Variants in JAG2 observed in about 807,000 individuals in gnomAD.
JAG2 encodes the protein protein jagged-2.
JAG2 carries 46 observed loss-of-function variants against 141.7 expected under a neutral mutation model. That is an observed-to-expected ratio of 0.32 (90% CI 0.26 to 0.42). The LOEUF is 0.42. Ranked by LOEUF, JAG2 falls within the 10% of genes least tolerant of loss-of-function variation. JAG2 has a pLI of 1.00. For synonymous variants in JAG2, 862 were observed against 763.5 expected, an observed-to-expected ratio of 1.13 and a Z score of -2.13; for missense variants, 1,500 against 1,817.5, an observed-to-expected ratio of 0.83 and a Z score of 3.18.
At position 105,143,159 on chromosome 14, in the gene JAG2, G is replaced by A. The variant is rs2140968185; in HGVS notation, c.3253C>T (p.Pro1085Ser). The A allele has an allele frequency of 6.3e-7, 1 of 1,598,288 alleles. No individual in the cohort carries two copies. Among genetic ancestry groups the A allele is most frequent in the South Asian group, 1.1e-5 (1 of 91,056 alleles). ...TGGSSTGLLVPVLCGAFSVLW... is the reference protein window; with the variant it reads ...TGGSSTGLLVSVLCGAFSVLW... ...ACGCTGAAGGCACCACACAGCACAG[G>A]CACCAGCAGACCTGGGGACCGGGGA... The change falls in exon 26 of 26, where the codon CCT becomes TCT. Residue 1085 changes from proline to serine, a missense_variant. This residue lies in a region of JAG2 where 425 missense variants were observed against 441.0 expected (regional missense o/e 0.96). Coordinates refer to ENST00000331782, the MANE Select transcript of JAG2 (RefSeq NM_002226.5).
intron 18 of JAG2, 78 bp downstream of exon 18, chr14:105,147,694 A>C: frequency 9.2e-7 from 1 of 1,090,800 alleles, no homozygotes; most frequent in Non-Finnish European, 1.3e-6. Context: ...GGCAGAAGGG[A>C]CTGGGGGGCG....
rs1428849904 is a variant in JAG2 at position 105,152,352 on chromosome 14, G to T, written c.789-61C>A. The T allele has an allele frequency of 3.2e-6, 5 of 1,577,356 alleles. No individual in the cohort carries two copies. In the African/African-American group the frequency reaches 4.1e-5, roughly 13 times the overall value. ...CTGTGGTGCCTGAAAGGGTGGCAGG[G>T]GAGCCAGGCACAGTCACCCACGCCA... On this transcript the variant is annotated intron_variant, in intron 5 of 25. Coordinates refer to ENST00000331782, the MANE Select transcript of JAG2 (RefSeq NM_002226.5).
chr14:105,144,182 G>T (rs1888153690), intron 24 of JAG2, among the ~76,000 whole-genome samples: 1 of 151,064 alleles, frequency 6.6e-6, no homozygotes, highest in Non-Finnish European at 1.5e-5. Context: ...CCACCTATGG[G>T]CCACACCCCA....
chr14:105,145,973 C>A lies in JAG2; in HGVS notation c.2710G>T (p.Val904Leu). ...AGACAAGGCTTCCATCCGCACCACA[C>A]CTGGGCAGGCACGCACAGGAGGGTC... Reference protein sequence around the residue: ...CLDGRRDCSKVWCGWKPCLLA... With the variant: ...CLDGRRDCSKLWCGWKPCLLA... The change falls in exon 23 of 26, where the codon GTG becomes TTG. Residue 904 changes from valine (V) to leucine (L), a missense_variant and splice_region_variant. Around this residue, in one of 3 missense-constraint regions of JAG2, gnomAD observed 875 missense variants for 1,202.2 expected, o/e 0.73. Coordinates refer to ENST00000331782, the MANE Select transcript of JAG2 (RefSeq NM_002226.5). 1 of 1,592,714 alleles carries A rather than the reference C, an allele frequency of 6.3e-7. No individual in the cohort carries two copies. The highest frequency in any genetic ancestry group is 8.5e-7 in the Non-Finnish European group (1 of 1,171,834).
At chr14:105,157,175 T>C (rs2072674) in intron 3 of JAG2, among the ~76,000 whole-genome samples, 94,697 of 152,028 alleles carry the variant, frequency 0.62, 29,666 homozygotes, top group Middle Eastern at 0.74. Flanking sequence ...GCCCGTGTCC[T>C]CTCAGTGGCT....
intron 23 of JAG2, among the ~76,000 whole-genome samples, chr14:105,145,306 G>T (rs1379496544): frequency 2.0e-5 from 3 of 152,214 alleles, no homozygotes; most frequent in African/African-American, 7.2e-5. Flanking sequence ...GGCCAGTGGG[G>T]GAAGGAGAGG....
intron 2 of JAG2, among the ~76,000 whole-genome samples, chr14:105,163,015 C>T (rs1049400885): frequency 6.6e-6 from 1 of 151,606 alleles, no homozygotes; most frequent in Non-Finnish European, 1.5e-5. Flanking sequence ...CGCTAACGGC[C>T]CCCCCAGGTC....
chr14:105,145,986 G>A lies in JAG2; in HGVS notation c.2710-13C>T, dbSNP rs587730892. 2.6e-5 allele frequency: 42 copies of A among 1,591,556 alleles called. No homozygotes were observed. In the East Asian group the frequency reaches 3.0e-4, roughly 11 times the overall value. On this transcript the variant is annotated splice_polypyrimidine_tract_variant and intron_variant, in intron 22 of 25. Transcript: ENST00000331782. ...ATCCGCACCACACCTGGGCAGGCAC[G>A]CACAGGAGGGTCAGGCGCAGGCGCA...
In JAG2 at chr14:105,167,412, C is replaced by A. The variant is rs587604287; in HGVS notation, c.417+345G>T. Among the ~76,000 whole-genome samples, 5 of 152,184 alleles carry A rather than the reference C, an allele frequency of 3.3e-5. No individual in the cohort carries two copies. The East Asian group carries it at 9.7e-4, about 30-fold the overall frequency. The stretch of plus-strand genomic sequence containing the variant: ...AGCCCCAGCACGCGCTGCGCACATG[C>A]CACCGCGGCCTGCCCGGGACCGGGG... On this transcript the variant is annotated intron_variant, in intron 2 of 25. Coordinates refer to ENST00000331782, the MANE Select transcript of JAG2 (RefSeq NM_002226.5). This position sits in a 1 kb window ranked among gnomAD's most constrained non-coding sequence, Gnocchi z 4.8.
rs587712647 is a variant in JAG2, at chr14:105,167,472, C to A, written c.417+285G>T. Among the ~76,000 whole-genome samples the A allele has an allele frequency of 1.3e-5, 2 of 151,220 alleles. No individual in the cohort carries two copies. ...TCGCCTCCCCACCCAGACAGACACG[C>A]GCAGGGCGACGCAGGCACACGCCGC... On this transcript the variant is annotated intron_variant, in intron 2 of 25. Transcript: ENST00000331782. The surrounding 1 kb of genome is among the most constrained non-coding windows in gnomAD (Gnocchi z 4.8).
chr14:105,160,339 G>T (rs868772549), intron 2 of JAG2, among the ~76,000 whole-genome samples: 1 of 15,636 alleles, frequency 6.4e-5, no homozygotes, highest in South Asian at 3.1e-3. Context: ...CAACCCATCT[G>T]CCTGGAGCAC....
chr14:105,155,514 G>C (rs777535137), intron 5 of JAG2, 48 bp downstream of exon 5: 2 of 1,602,714 alleles, frequency 1.2e-6, no homozygotes, highest in African/African-American at 2.7e-5. Context: ...CAGTGAGGAC[G>C]TGAGGGCAAA....
rs768158115 is a variant in JAG2, at chr14:105,146,350, C to T, written c.2709+35G>A. On this transcript the variant is annotated intron_variant, in intron 22 of 25. Coordinates refer to ENST00000331782, the MANE Select transcript of JAG2 (RefSeq NM_002226.5). ...GGCCAGGGTCAGCGTGCACCAGCCTCGGGTAGGGCAGGGCGGCTCACGGGC... is the reference window on the plus strand; with the variant it reads ...GGCCAGGGTCAGCGTGCACCAGCCTTGGGTAGGGCAGGGCGGCTCACGGGC... 19 of 1,565,212 alleles carry T rather than the reference C, an allele frequency of 1.2e-5. No homozygotes were observed. The East Asian group carries it at 2.7e-4, about 22-fold the overall frequency.
rs757440243 is a variant in JAG2 at position 105,151,079 on chromosome 14, T to G, written c.1293A>C (p.Pro431=). The change falls in exon 10 of 26, where the codon CCA becomes CCC. Residue 431 remains proline (P), a synonymous_variant. Transcript: ENST00000331782. ...QLDANECEGK[P]CLNAFSCKNL... is the part of the protein sequence containing the mutation. ...TTTTGCAAGAAAAAGCGTTAAGGCA[T>G]GGCTTCCCTTCACACTCATTGGCGT... 20 of 1,612,712 alleles carry G rather than the reference T, an allele frequency of 1.2e-5. No homozygotes were observed. The highest frequency in any genetic ancestry group is 2.5e-6 in the Non-Finnish European group (3 of 1,179,648).
chr14:105,142,328 A>C lies in JAG2; in HGVS notation c.*367T>G, dbSNP rs1418813212. The C allele has an allele frequency of 9.1e-6, 2 of 219,982 alleles. No individual in the cohort carries two copies. The highest frequency in any genetic ancestry group is 9.0e-6 in the Non-Finnish European group (1 of 111,346). The allele number at this position is 219,982 out of a possible 1,614,324, so 13.6% of individuals were successfully genotyped here. A position where few individuals can be genotyped will look rare whatever the true frequency, so the allele number is the denominator to read the frequency against. ...CTCACCGGCACTTTGGCCTGGAGCCACAGAGAAACCCGAGTGAGGAATAAA... is the reference window on the plus strand; with the variant it reads ...CTCACCGGCACTTTGGCCTGGAGCCCCAGAGAAACCCGAGTGAGGAATAAA... On this transcript the variant is annotated 3_prime_UTR_variant, in exon 26 of 26. Transcript: ENST00000331782.
Position 105,150,691 on chromosome 14 carries a change from G to C in JAG2, c.1515C>G (p.Ser505Arg). 6.4e-7 allele frequency: 1 copy of C among 1,554,682 alleles called. No homozygotes were observed. The highest frequency in any genetic ancestry group is 1.4e-5 in the African/African-American group (1 of 73,352). Residue 505 changes from serine (S) to arginine (R), a missense_variant, in exon 12 of 26, where the codon AGC (serine) becomes AGG (arginine). Ser to Arg is a moderately radical substitution (Grantham distance 110, BLOSUM62 -1). Around this residue, in one of 3 missense-constraint regions of JAG2, gnomAD observed 875 missense variants for 1,202.2 expected, o/e 0.73. Coordinates refer to ENST00000331782, the MANE Select transcript of JAG2 (RefSeq NM_002226.5). ...CELERDECAS[S>R]PCHSGGLCED... is the part of the protein sequence containing the mutation. ...CGCAGAGGCCGCCGCTGTGGCAGGGGCTGCTGGCACACTCGTCTCGTTCCA... is the reference window on the plus strand; with the variant it reads ...CGCAGAGGCCGCCGCTGTGGCAGGGCCTGCTGGCACACTCGTCTCGTTCCA...
At chr14:105,168,265 A>T in intron 1 of JAG2, 90 bp downstream of exon 1, 1 of 708,358 alleles carries the variant, frequency 1.4e-6, no homozygotes. Flanking sequence ...CTTCCGAACC[A>T]CGGCGGCCCC....
At chr14:105,151,469 G>T in intron 8 of JAG2, 73 bp from the exon 9 acceptor site, 1 of 1,452,936 alleles carries the variant, frequency 6.9e-7, no homozygotes, top group Non-Finnish European at 9.5e-7. Context: ...GGCAGGTGGC[G>T]CTGCAAGCCT....
intron 3 of JAG2, among the ~76,000 whole-genome samples, chr14:105,156,532 G>A (rs587696945): frequency 1.3e-5 from 2 of 151,820 alleles, no homozygotes; most frequent in Non-Finnish European, 2.9e-5. Flanking sequence ...CATAGGTCCC[G>A]TGACCCGCTG....
Sources: allele counts gnomAD v4.1 joint callset (sites outside exome capture counted in the v4.1 genomes callset), GRCh38; gene constraint gnomAD v4.1.1; regional missense constraint gnomAD v4.1.1; non-coding constraint Gnocchi (gnomAD v3.1); transcripts MANE v1.5; gene names NCBI Gene and HGNC (gene_info 2026-07-23, HGNC 2026-07-21).